The following PPM1L variants were observed in gnomAD, a reference collection of about 807,000 sequenced individuals.
PPM1L encodes protein phosphatase 1L.
Under a neutral mutation model 31.4 loss-of-function variants are expected in PPM1L, and 13 were observed. The ratio of observed to expected loss-of-function variants is 0.41; its 90% confidence interval spans 0.27 to 0.66. PPM1L has a LOEUF of 0.66. Ranked by LOEUF, PPM1L falls within the 30% of genes least tolerant of loss-of-function variation. The pLI is 0.29. For synonymous variants in PPM1L, 184 were observed against 175.4 expected (o/e 1.05, Z -0.39); for missense variants, 326 against 453.7 (o/e 0.72, Z 2.56).
chr3:161,013,575 T>C (rs947611645), intron 2 of PPM1L, among the ~76,000 whole-genome samples: 5 of 152,196 alleles, frequency 3.3e-5, no homozygotes, highest in African/African-American at 1.2e-4. Context: ...CTCCTGGATA[T>C]CCTTGTTAAC....
At chr3:160,875,168 T>C (rs1428754043) in intron 1 of PPM1L, among the ~76,000 whole-genome samples, 9 of 152,200 alleles carry the variant, frequency 5.9e-5, no homozygotes, top group African/African-American at 2.2e-4. Context: ...TTCTAATCTC[T>C]AGCATAGAAT....
chr3:160,785,581 A>G (rs375755830), intron 1 of PPM1L, among the ~76,000 whole-genome samples: 85 of 152,294 alleles, frequency 5.6e-4, no homozygotes, highest in African/African-American at 1.8e-3. Context: ...AAATATATCT[A>G]TGTGATTCTA....
At position 160,882,213 on chromosome 3, in the gene PPM1L, A is replaced by G. The variant is rs181733794; in HGVS notation, c.400-79523A>G. On this transcript the variant is annotated intron_variant, in intron 1 of 3. Transcript: ENST00000498165. The stretch of plus-strand genomic sequence containing the variant: ...CTTTCACTACTGGTTGATGTAATCT[A>G]TTTCTTCTGCAATTATTTATTAGAG... 2.2e-3 allele frequency: 332 copies of G among 152,276 alleles called. 1 individual carries two copies. The highest frequency in any genetic ancestry group is 7.5e-3 in the African/African-American group (312 of 41,558). The allele number at this position is 152,276 out of a possible 1,614,324, so 9.4% of individuals were successfully genotyped here. A position where few individuals can be genotyped will look rare whatever the true frequency, so the allele number is the denominator to read the frequency against.
At chr3:160,873,733 G>A (rs911433053) in intron 1 of PPM1L, among the ~76,000 whole-genome samples, 2 of 152,026 alleles carry the variant, frequency 1.3e-5, no homozygotes, top group Non-Finnish European at 2.9e-5. Flanking sequence ...TTTTTGTAGA[G>A]AGAGGGTTTC....
At chr3:160,959,529 G>A (rs1469881860) in intron 1 of PPM1L, among the ~76,000 whole-genome samples, 2 of 152,160 alleles carry the variant, frequency 1.3e-5, no homozygotes, top group Admixed American at 6.5e-5. Context: ...ATACAAAAAT[G>A]TGGAATGTAG....
chr3:160,993,351 G>C (rs1717196477), intron 2 of PPM1L, among the ~76,000 whole-genome samples: 1 of 152,136 alleles, frequency 6.6e-6, no homozygotes, highest in African/African-American at 2.4e-5. Context: ...TCTCGAGTTT[G>C]ATAAATTATC....
At chr3:160,833,142 AC>A (rs1441613778) in intron 1 of PPM1L, among the ~76,000 whole-genome samples, 2 of 152,196 alleles carry the variant, frequency 1.3e-5, no homozygotes, top group Non-Finnish European at 2.9e-5. Context: ...GTGTGTATGT[AC>A]CACATTTTCT....
At chr3:161,001,605 A>G (rs1203064975) in intron 2 of PPM1L, among the ~76,000 whole-genome samples, 2 of 152,160 alleles carry the variant, frequency 1.3e-5, no homozygotes, top group African/African-American at 2.4e-5. Flanking sequence ...TATGAAACTC[A>G]ATACTATATG....
intron 1 of PPM1L, among the ~76,000 whole-genome samples, chr3:160,761,953 G>C (rs1192072559): frequency 6.6e-6 from 1 of 152,130 alleles, no homozygotes; most frequent in Non-Finnish European, 1.5e-5. Context: ...ACCTCTCACT[G>C]GGTCCCTCCC....
chr3:160,833,357 C>T (rs1387271301), intron 1 of PPM1L, among the ~76,000 whole-genome samples: 2 of 152,136 alleles, frequency 1.3e-5, no homozygotes, highest in Non-Finnish European at 2.9e-5. Context: ...ATCACCACAC[C>T]ATCTTCCACG....
chr3:160,814,905 G>A (rs1164599074), intron 1 of PPM1L, among the ~76,000 whole-genome samples: 1 of 152,060 alleles, frequency 6.6e-6, no homozygotes, highest in East Asian at 1.9e-4. Flanking sequence ...CTCAGGAATG[G>A]AGAACCAAAC....
chr3:160,775,906 G>C (rs1560104126), intron 1 of PPM1L, among the ~76,000 whole-genome samples: 1 of 152,200 alleles, frequency 6.6e-6, no homozygotes, highest in Non-Finnish European at 1.5e-5. Context: ...TGCCTGGGGG[G>C]CAGAAACAGT....
intron 2 of PPM1L, among the ~76,000 whole-genome samples, chr3:161,052,188 G>T (rs919720024): frequency 6.6e-6 from 1 of 152,194 alleles, no homozygotes; most frequent in Non-Finnish European, 1.5e-5. Context: ...TGGAGCAAAG[G>T]TTTATGATTT....
At chr3:161,002,964 GGT>G (rs1478010809) in intron 2 of PPM1L, among the ~76,000 whole-genome samples, 2 of 150,180 alleles carry the variant, frequency 1.3e-5, no homozygotes, top group African/African-American at 2.4e-5. Context: ...GGGTTTTTAT[GGT>G]TTTAGGTCTA....
chr3:161,026,200 T>C (rs1450420239), intron 2 of PPM1L, among the ~76,000 whole-genome samples: 1 of 152,202 alleles, frequency 6.6e-6, no homozygotes, highest in Non-Finnish European at 1.5e-5. Flanking sequence ...GGTAAGAGTT[T>C]GTACTGCCCT....
At position 161,017,845 on chromosome 3, in the gene PPM1L, G is replaced by T. The variant is rs543746588; in HGVS notation, c.575-47558G>T. ...AATACAGGGGAAAAACAGAGTTTTT[G>T]CATCCTAAAATAACCTTGGAATCTG... On this transcript the variant is annotated intron_variant, in intron 2 of 3. Transcript: ENST00000498165. Among the ~76,000 whole-genome samples the T allele has an allele frequency of 3.2e-3, 490 of 152,158 alleles. 2 individuals are homozygous for T. Among genetic ancestry groups the T allele is most frequent in the Non-Finnish European group, 6.3e-3 (429 of 67,974 alleles).
intron 2 of PPM1L, among the ~76,000 whole-genome samples, chr3:161,012,502 G>A (rs1388731811): frequency 6.6e-6 from 1 of 151,804 alleles, no homozygotes; most frequent in Non-Finnish European, 1.5e-5. Flanking sequence ...GTCTCTGCCC[G>A]GCTTTGGTAT....
intron 1 of PPM1L, among the ~76,000 whole-genome samples, chr3:160,816,267 G>GTT (rs1200023804): frequency 7.1e-6 from 1 of 141,700 alleles, no homozygotes; most frequent in Non-Finnish European, 1.5e-5. Flanking sequence ...TCATTTGTGT[G>GTT]TGTGTGTGTG....
intron 1 of PPM1L, among the ~76,000 whole-genome samples, chr3:160,926,768 C>T (rs1714607823): frequency 6.6e-6 from 1 of 152,172 alleles, no homozygotes; most frequent in Non-Finnish European, 1.5e-5. Context: ...TACTAAGCCA[C>T]AGGACTGCAT....
Sources: gnomAD v4.1 joint callset for allele counts (sites outside exome capture counted in the v4.1 genomes callset) on GRCh38, gnomAD v4.1.1 for gene constraint, MANE v1.5 for transcripts, NCBI Gene and HGNC (gene_info 2026-07-23, HGNC 2026-07-21) for gene names.